PNPLA5: variants seen among roughly 807,000 people sequenced by gnomAD.
PNPLA5 encodes the protein patatin like domain 5, triacylglycerol lipase, also known as patatin-like phospholipase domain-containing protein 5.
A neutral mutation model predicts 49.1 loss-of-function variants in PNPLA5; 44 were observed. The ratio of observed to expected loss-of-function variants is 0.90; its 90% CI spans 0.70 to 1.15. The LOEUF (loss-of-function observed/expected upper bound fraction) is 1.15, where lower values mean the gene tolerates loss of function less well. PNPLA5 is among the 50% of genes most tolerant of loss of function. The pLI, the probability that PNPLA5 is intolerant of heterozygous loss-of-function variation, is 0.00. For synonymous variants in PNPLA5, 243 were observed against 244.4 expected (o/e 0.99, Z 0.06); for missense variants, 603 against 564.0 (o/e 1.07, Z -0.70).
chr22:43,887,540 C>T, intron 5 of PNPLA5, 51 bp downstream of exon 5: 1 of 1,587,380 alleles, frequency 6.3e-7, no homozygotes, highest in Non-Finnish European at 8.6e-7. Context: ...GCAGGGTCTA[C>T]CTGGCACCAT....
At chr22:43,887,222 AG>A (rs1442896590) in intron 5 of PNPLA5, among the ~76,000 whole-genome samples, 1 of 152,068 alleles carries the variant, frequency 6.6e-6, no homozygotes, top group East Asian at 1.9e-4. Context: ...CTTCATAACT[AG>A]TCAAAACCCA....
rs770037848 is a variant in PNPLA5 at position 43,886,493 on chromosome 22, G to A, written c.764-5C>T. The A allele has an allele frequency of 1.9e-6, 3 of 1,609,326 alleles. No individual in the cohort carries two copies. The Admixed American group carries it at 5.0e-5, about 27-fold the overall frequency. On this transcript the variant is annotated splice_polypyrimidine_tract_variant and splice_region_variant and intron_variant, in intron 5 of 8. Coordinates refer to ENST00000216177, the MANE Select transcript of PNPLA5 (RefSeq NM_138814.4). ...GCACTGGTTCCTTGGTGAGTCCTGG[G>A]TCAGGGGAAGGGAGAGGATAAGTCA...
chr22:43,886,657 TCTGCCCTGCTCC>T, intron 5 of PNPLA5, 169 bp from the exon 6 acceptor site: 1 of 963,246 alleles, frequency 1.0e-6, no homozygotes, highest in South Asian at 4.8e-5. Flanking sequence ...CTGGCCCTGC[TCTGCCCTGCTCC>T]CTGCCCACTT....
In PNPLA5 at chr22:43,889,781, G is replaced by T. The variant is rs544345852; in HGVS notation, c.492+18C>A. ...CAGGCTGCCCAGAGCACAGAACGGG[G>T]TTCCAGAGTGCACTCACCTCCCCTC... On this transcript the variant is annotated intron_variant, in intron 3 of 8. Coordinates refer to ENST00000216177, the MANE Select transcript of PNPLA5 (RefSeq NM_138814.4). 1,592 of 1,610,542 alleles carry T rather than the reference G, an allele frequency of 9.9e-4. 33 individuals carry two copies. The South Asian group carries it at 0.017, about 17-fold the overall frequency.
Position 43,880,879 on chromosome 22 carries a change from CG to C in PNPLA5, c.1205del (p.Pro402ArgfsTer15). ...KAQLLGPISP[P>X]ATRVLETSPL... is the part of the protein sequence containing the mutation. ...GGCTTGTTTCCAGGACGCGAGTGGC[CG>C]GAGGGCTGTGGAGGGAGGAGAAGCC... On this transcript the variant is annotated frameshift_variant, in exon 9 of 9. Transcript: ENST00000216177. The C allele has an allele frequency of 7.5e-7, 1 of 1,331,758 alleles. No homozygotes were observed. The highest frequency in any genetic ancestry group is 9.7e-7 in the Non-Finnish European group (1 of 1,032,888). 82.5% of individuals were successfully genotyped at this position (1,331,758 alleles called of 1,614,324 possible).
chr22:43,891,606 G>A (rs1405831078), intron 1 of PNPLA5, 82 bp downstream of exon 1: 3 of 1,441,218 alleles, frequency 2.1e-6, no homozygotes, highest in South Asian at 1.5e-5. Flanking sequence ...AGAGCACAGC[G>A]CCAGGCACCA....
At chr22:43,891,391 T>A (rs1034280640) in intron 1 of PNPLA5, 97 bp from the exon 2 acceptor site, 12 of 1,421,996 alleles carry the variant, frequency 8.4e-6, no homozygotes, top group Non-Finnish European at 1.1e-5. Context: ...GGGAGCGGGG[T>A]CCTCCCCACT....
At chr22:43,890,781 C>T (rs945655135) in intron 2 of PNPLA5, among the ~76,000 whole-genome samples, 1 of 152,202 alleles carries the variant, frequency 6.6e-6, no homozygotes, top group African/African-American at 2.4e-5. Context: ...TGGGGCTAGC[C>T]AGCTGCCCTC....
intron 5 of PNPLA5, 45 bp from the exon 6 acceptor site, chr22:43,886,533 C>T (rs771626633): frequency 6.4e-7 from 1 of 1,564,574 alleles, no homozygotes; most frequent in Non-Finnish European, 8.6e-7. Context: ...TCTGAGCCTC[C>T]CCAAGGCGCC....
intron 7 of PNPLA5, among the ~76,000 whole-genome samples, chr22:43,883,009 G>A (rs968701144): frequency 2.6e-5 from 4 of 152,164 alleles, no homozygotes; most frequent in South Asian, 4.1e-4. Context: ...CGTCGTGTAC[G>A]GCACACTCCC....
intron 1 of PNPLA5, 108 bp from the exon 2 acceptor site, chr22:43,891,402 C>T: frequency 7.0e-7 from 1 of 1,427,718 alleles, no homozygotes; most frequent in South Asian, 1.5e-5. Flanking sequence ...CCTCCCCACT[C>T]CAGCTCAGAA....
intron 2 of PNPLA5, chr22:43,890,103 G>A (rs1038067873): frequency 1.1e-4 from 108 of 984,824 alleles, no homozygotes; most frequent in Middle Eastern, 5.2e-4. Flanking sequence ...GAGGCCAGGT[G>A]CAGGCTCCTG....
chr22:43,886,474 G>T lies in PNPLA5; in HGVS notation c.778C>A (p.Pro260Thr). The change falls in exon 6 of 9, where the codon CCA (proline) becomes ACA (threonine). Residue 260 changes from proline (P) to threonine (T), a missense_variant. Pro to Thr is a conservative substitution (Grantham distance 38, BLOSUM62 -1). Coordinates refer to ENST00000216177, the MANE Select transcript of PNPLA5 (RefSeq NM_138814.4). ...FLERRGLTKE[P>T]VLWTLVSKEP... ...TTAGACACCAGCGTCCATAGCACTGGTTCCTTGGTGAGTCCTGGGTCAGGG... is the reference window on the plus strand; with the variant it reads ...TTAGACACCAGCGTCCATAGCACTGTTTCCTTGGTGAGTCCTGGGTCAGGG... The T allele has an allele frequency of 1.2e-6, 2 of 1,613,176 alleles. No individual in the cohort carries two copies. Among genetic ancestry groups the T allele is most frequent in the Non-Finnish European group, 1.7e-6 (2 of 1,179,610 alleles).
chr22:43,881,655 C>A lies in PNPLA5; in HGVS notation c.1102G>T (p.Asp368Tyr). The change falls in exon 8 of 9, where the codon GAT becomes TAT. Residue 368 changes from aspartate (D) to tyrosine (Y), a missense_variant. Physicochemically the swap from Asp to Tyr is radical, Grantham distance 160 (BLOSUM62 -3). Coordinates refer to ENST00000216177, the MANE Select transcript of PNPLA5 (RefSeq NM_138814.4). ...RSRRLVVWLPDVPADLWWMQG... is the reference protein window; with the variant it reads ...RSRRLVVWLPYVPADLWWMQG... Reference sequence around the variant, plus strand: ...ATCCACCACAAGTCCGCCGGCACATCGGGCAGCCACACCACCAACCTGGAG... The same window carrying A: ...ATCCACCACAAGTCCGCCGGCACATAGGGCAGCCACACCACCAACCTGGAG... The A allele has an allele frequency of 2.5e-6, 4 of 1,613,668 alleles. No individual in the cohort carries two copies. Among genetic ancestry groups the A allele is most frequent in the Non-Finnish European group, 3.4e-6 (4 of 1,179,888 alleles).
rs1480003428 is a variant in PNPLA5 at position 43,891,719 on chromosome 22, G to C, written c.162C>G (p.Asn54Lys). 1 of 1,548,118 alleles carries C rather than the reference G, an allele frequency of 6.5e-7. No homozygotes were observed. Among genetic ancestry groups the C allele is most frequent in the Non-Finnish European group, 8.7e-7 (1 of 1,146,100 alleles). The change falls in exon 1 of 9, where the codon AAC becomes AAG. Residue 54 changes from asparagine to lysine, a missense_variant. Asn to Lys is a moderately conservative substitution (Grantham distance 94, BLOSUM62 0). Coordinates refer to ENST00000216177, the MANE Select transcript of PNPLA5 (RefSeq NM_138814.4). ...RIYGSSSGAL[N>K]AVSIVCGKSV... is the part of the protein sequence containing the mutation. Reference sequence around the variant, plus strand: ...ACTTGCCGCAGACGATGCTGACTGCGTTGAGCGCCCCAGACGAGGAACCGT... The same window carrying C: ...ACTTGCCGCAGACGATGCTGACTGCCTTGAGCGCCCCAGACGAGGAACCGT...
At position 43,891,217 on chromosome 22, in the gene PNPLA5, CGTAGGCCGGGT is replaced by C. The variant is rs1368962495; in HGVS notation, c.260_270del (p.His87ArgfsTer35). On this transcript the variant is annotated frameshift_variant, in exon 2 of 9. Transcript: ENST00000216177. LOFTEE classifies it high-confidence loss of function. ...TGCTGCTTGACGTGCTCGATGGGCG[CGTAGGCCGGGT>C]GCAGGATGCTTAGGCTCAGCCGCTC... 6.3e-7 allele frequency: 1 copy of C among 1,577,694 alleles called. No homozygotes were observed. The highest frequency in any genetic ancestry group is 2.3e-5 in the East Asian group (1 of 44,004).
At chr22:43,881,472 G>A (rs914579239) in intron 8 of PNPLA5, 86 bp downstream of exon 8, 38 of 1,358,948 alleles carry the variant, frequency 2.8e-5, no homozygotes, top group Middle Eastern at 4.0e-4. Context: ...TGGCATGGCC[G>A]GCCTACCCAG....
At chr22:43,886,022 G>A (rs1420687097) in intron 6 of PNPLA5, among the ~76,000 whole-genome samples, 1 of 152,236 alleles carries the variant, frequency 6.6e-6, no homozygotes, top group Non-Finnish European at 1.5e-5. Context: ...AAATCCCCTA[G>A]TTGCAGGCTC....
At chr22:43,884,045 CAG>C (rs2049636704) in intron 7 of PNPLA5, among the ~76,000 whole-genome samples, 166 bp downstream of exon 7, 2 of 152,196 alleles carry the variant, frequency 1.3e-5, no homozygotes, top group South Asian at 4.2e-4. Context: ...GAGGAGATCA[CAG>C]AGGCTCTGAG....
Sources: allele counts gnomAD v4.1 joint callset (sites outside exome capture counted in the v4.1 genomes callset), GRCh38; gene constraint gnomAD v4.1.1; transcripts MANE v1.5; gene names NCBI Gene and HGNC (gene_info 2026-07-23, HGNC 2026-07-21).